Variants in PRRC2A observed in about 807,000 individuals in gnomAD.
PRRC2A encodes the protein protein PRRC2A.
A neutral mutation model predicts 224.6 loss-of-function variants in PRRC2A; 59 were observed. That is an observed-to-expected ratio of 0.26 (90% CI 0.21 to 0.33). PRRC2A has a LOEUF of 0.33. Ranked by LOEUF, PRRC2A falls within the 10% of genes least tolerant of loss-of-function variation. The pLI is 1.00. For synonymous variants in PRRC2A, 1,194 were observed against 1,109.5 expected, an observed-to-expected ratio of 1.08 and a Z score of -1.51; for missense variants, 3,095 against 2,880.7, an observed-to-expected ratio of 1.07 and a Z score of -1.70.
chr6:31,621,994 CAG>C (rs992821246), intron 1 of PRRC2A, among the ~76,000 whole-genome samples: 10 of 152,264 alleles, frequency 6.6e-5, no homozygotes, highest in African/African-American at 2.4e-4. Context: ...TATGGTAAAA[CAG>C]TATTTCATCT....
At position 31,635,235 on chromosome 6, in the gene PRRC2A, G is replaced by C. The variant is rs572741477; in HGVS notation, c.5264G>C (p.Arg1755Pro). Reference sequence around the variant, plus strand: ...CCTGGCCCCATTCGGCCATCCCATCGACCTGGTCCCCCAGTCCAGTTTGGC... The same window carrying C: ...CCTGGCCCCATTCGGCCATCCCATCCACCTGGTCCCCCAGTCCAGTTTGGC... ...TEPGPIRPSHRPGPPVQFGTS... is the reference protein window; with the variant it reads ...TEPGPIRPSHPPGPPVQFGTS... The change falls in exon 22 of 31, where the codon CGA becomes CCA. Residue 1755 changes from arginine (R) to proline (P), a missense_variant. Physicochemically the swap from Arg to Pro is moderately radical, Grantham distance 103. Coordinates refer to ENST00000376033, the MANE Select transcript of PRRC2A (RefSeq NM_004638.4). 6.2e-6 allele frequency: 10 copies of C among 1,614,068 alleles called. No homozygotes were observed. The highest frequency in any genetic ancestry group is 8.5e-6 in the Non-Finnish European group (10 of 1,180,032).
Position 31,627,972 on chromosome 6 carries a change from C to G in PRRC2A, c.1498C>G (p.Pro500Ala). ...GCGACTCGATGAAAAGTTTGGGGCA[C>G]CTGACAAGCGGCTCAAAGCAGAGCC... ...LKRLDEKFGAPDKRLKAEPAA... is the reference protein window; with the variant it reads ...LKRLDEKFGAADKRLKAEPAA... Residue 500 changes from proline to alanine, a missense_variant, in exon 12 of 31, where the codon CCT becomes GCT. Pro to Ala is a conservative substitution (Grantham distance 27, BLOSUM62 -1). Around this residue, in one of 8 missense-constraint regions of PRRC2A, gnomAD observed 2,001 missense variants for 1,764.9 expected, o/e 1.13. Transcript: ENST00000376033. The surrounding 1 kb of genome is among the most constrained non-coding windows in gnomAD (Gnocchi z 5.6). 1 of 1,613,012 alleles carries G rather than the reference C, an allele frequency of 6.2e-7. No homozygotes were observed. The highest frequency in any genetic ancestry group is 8.5e-7 in the Non-Finnish European group (1 of 1,180,024).
rs547196862 is a variant in PRRC2A at position 31,632,204 on chromosome 6, CCCT to C, written c.3536_3538del (p.Pro1179del). The C allele has an allele frequency of 1.7e-3, 2,720 of 1,607,124 alleles. 9 individuals carry two copies. In the Middle Eastern group the frequency reaches 0.019, roughly 11 times the overall value. ...GCCGGGGCCGAGGAGGAGGGAGGCC[CCCT>C]CCTCAAGTTTGCCCAGGCTGGAGCC... On this transcript the variant is annotated inframe_deletion, in exon 16 of 31. Transcript: ENST00000376033.
chr6:31,631,680 C>T lies in PRRC2A; in HGVS notation c.3007C>T (p.Leu1003Phe). 4 of 1,513,938 alleles carry T rather than the reference C, an allele frequency of 2.6e-6. No individual in the cohort carries two copies. The highest frequency in any genetic ancestry group is 3.5e-6 in the Non-Finnish European group (4 of 1,132,888). The allele number at this position is 1,513,938 out of a possible 1,614,324, so 93.8% of individuals were successfully genotyped here. A position where few individuals can be genotyped will look rare whatever the true frequency, so the allele number is the denominator to read the frequency against. Residue 1003 changes from leucine (L) to phenylalanine (F), a missense_variant, in exon 16 of 31, where the codon CTT becomes TTT. Coordinates refer to ENST00000376033, the MANE Select transcript of PRRC2A (RefSeq NM_004638.4). The surrounding 1 kb of genome is among the most constrained non-coding windows in gnomAD (Gnocchi z 4.5). The part of the protein sequence containing the change: ...GPKETPPNGN[L>F]SPAPRLRRDY... ...CAAGGAGACCCCACCCAATGGAAAT[C>T]TTTCCCCTGCCCCAAGGCTTCGGAG... is the stretch of plus-strand genomic sequence containing the variant.
intron 5 of PRRC2A, 116 bp downstream of exon 5, chr6:31,624,638 A>G: frequency 4.2e-6 from 5 of 1,177,292 alleles, no homozygotes; most frequent in Non-Finnish European, 6.2e-6. Flanking sequence ...AGGACCACCC[A>G]TATTCAGTTT....
intron 17 of PRRC2A, 33 bp downstream of exon 17, chr6:31,633,680 C>CCATCCCCA (rs1776956999): frequency 6.3e-7 from 1 of 1,580,174 alleles, no homozygotes; most frequent in South Asian, 1.2e-5. Flanking sequence ...GGGAATATCT[C>CCATCCCCA]CATCCCCAGA....
chr6:31,629,023 T>C (rs1352778001), intron 12 of PRRC2A, 121 bp from the exon 13 acceptor site: 3 of 1,016,030 alleles, frequency 3.0e-6, no homozygotes, highest in Non-Finnish European at 4.5e-6. Context: ...TTCAATAGAA[T>C]AGATGTTGAA....
Position 31,627,816 on chromosome 6 carries a change from G to T in PRRC2A, c.1342G>T (p.Ala448Ser). ...KPPAPEDEDE[A>S]WRQRRKQSSS... ...CCCAGCACCTGAAGATGAGGATGAGGCATGGCGGCAGCGACGAAAGCAGTC... is the reference window on the plus strand; with the variant it reads ...CCCAGCACCTGAAGATGAGGATGAGTCATGGCGGCAGCGACGAAAGCAGTC... Residue 448 changes from alanine (A) to serine (S), a missense_variant, in exon 12 of 31, where the codon GCA becomes TCA. Physicochemically the swap from Ala to Ser is moderately conservative, Grantham distance 99. Coordinates refer to ENST00000376033, the MANE Select transcript of PRRC2A (RefSeq NM_004638.4). This position sits in a 1 kb window ranked among gnomAD's most constrained non-coding sequence, Gnocchi z 5.6. 1.2e-6 allele frequency: 2 copies of T among 1,613,018 alleles called. No individual in the cohort carries two copies. Among genetic ancestry groups the T allele is most frequent in the South Asian group, 1.1e-5 (1 of 91,084 alleles).
At position 31,632,824 on chromosome 6, in the gene PRRC2A, G is replaced by A. The variant is rs756825509; in HGVS notation, c.4151G>A (p.Ser1384Asn). Residue 1384 changes from serine (S) to asparagine (N), a missense_variant, in exon 16 of 31, where the codon AGC becomes AAC. Transcript: ENST00000376033. Reference protein sequence around the residue: ...SQRAKDLSKRSFSSQRPGMER... With the variant: ...SQRAKDLSKRNFSSQRPGMER... ...AGAGCCAAGGATTTGAGTAAACGGA[G>A]CTTCTCAAGTCAGCGGCCAGGCATG... is the stretch of plus-strand genomic sequence containing the variant. 1 of 1,613,180 alleles carries A rather than the reference G, an allele frequency of 6.2e-7. No homozygotes were observed. Among genetic ancestry groups the A allele is most frequent in the East Asian group, 2.2e-5 (1 of 44,888 alleles).
chr6:31,630,254 T>C (rs1173062108), intron 14 of PRRC2A, among the ~76,000 whole-genome samples: 1 of 151,874 alleles, frequency 6.6e-6, no homozygotes, highest in Non-Finnish European at 1.5e-5. Flanking sequence ...GAGGTGGAGG[T>C]TGTAGTGAGC....
At chr6:31,626,912 T>G in intron 10 of PRRC2A, 50 bp downstream of exon 10, 1 of 1,612,868 alleles carries the variant, frequency 6.2e-7, no homozygotes, top group Non-Finnish European at 8.5e-7. Context: ...GGTTTGTATT[T>G]TGGTAATATA....
rs767785105 is a variant in PRRC2A at position 31,627,923 on chromosome 6, G to A, written c.1449G>A (p.Arg483=). The change falls in exon 12 of 31, where the codon CGG becomes CGA. Residue 483 remains arginine, a synonymous_variant. Transcript: ENST00000376033. The surrounding 1 kb of genome is among the most constrained non-coding windows in gnomAD (Gnocchi z 5.6). The part of the protein sequence containing the change: ...EEERRMQEER[R]AACAEKLKRL... Reference sequence around the variant, plus strand: ...AGCGGCGCATGCAAGAAGAGCGCCGGGCAGCCTGTGCTGAGAAGCTCAAGC... The same window carrying A: ...AGCGGCGCATGCAAGAAGAGCGCCGAGCAGCCTGTGCTGAGAAGCTCAAGC... 2 of 1,612,884 alleles carry A rather than the reference G, an allele frequency of 1.2e-6. No individual in the cohort carries two copies. Among genetic ancestry groups the A allele is most frequent in the Non-Finnish European group, 1.7e-6 (2 of 1,180,042 alleles).
In PRRC2A at chr6:31,631,619, C is replaced by T. The variant is rs759570796; in HGVS notation, c.2946C>T (p.Asp982=). The T allele has an allele frequency of 2.6e-6, 4 of 1,529,902 alleles. No individual in the cohort carries two copies. In the African/African-American group the frequency reaches 5.6e-5, roughly 21 times the overall value. The allele number at this position is 1,529,902 out of a possible 1,614,324, so 94.8% of individuals were successfully genotyped here. Residue 982 remains aspartate (D), a synonymous_variant, in exon 16 of 31, where the codon GAC becomes GAT. Coordinates refer to ENST00000376033, the MANE Select transcript of PRRC2A (RefSeq NM_004638.4). The surrounding 1 kb of genome is among the most constrained non-coding windows in gnomAD (Gnocchi z 4.5). ...GDETPKPPKP[D]PLKITKGKLG... The stretch of plus-strand genomic sequence containing the variant: ...AAACCCCCAAACCCCCAAAGCCAGA[C>T]CCACTCAAGATAACCAAGGGGAAGC...
intron 9 of PRRC2A, among the ~76,000 whole-genome samples, chr6:31,626,527 A>G (rs1295985005): frequency 6.6e-6 from 1 of 151,986 alleles, no homozygotes; most frequent in Non-Finnish European, 1.5e-5. Flanking sequence ...ACTGAACTCC[A>G]TCCTGGGCAA....
intron 17 of PRRC2A, 49 bp from the exon 18 acceptor site, chr6:31,633,810 G>A (rs754709636): frequency 2.6e-6 from 4 of 1,548,824 alleles, no homozygotes; most frequent in African/African-American, 1.4e-5. Flanking sequence ...GGAAAAGTTA[G>A]GGTCAGTGGC....
chr6:31,633,008 C>T lies in PRRC2A; in HGVS notation c.4319+16C>T, dbSNP rs368444066. On this transcript the variant is annotated intron_variant, in intron 16 of 30. Coordinates refer to ENST00000376033, the MANE Select transcript of PRRC2A (RefSeq NM_004638.4). ...AGAACCGAAGGTGGGTAGGAACAAA[C>T]AAATTTATTGTGGTTTAAAAATTGG... 7 of 1,513,860 alleles carry T rather than the reference C, an allele frequency of 4.6e-6. No homozygotes were observed. Among genetic ancestry groups the T allele is most frequent in the Non-Finnish European group, 2.6e-6 (3 of 1,133,216 alleles). 93.8% of individuals were successfully genotyped at this position (1,513,860 alleles called of 1,614,324 possible). A position where few individuals can be genotyped will look rare whatever the true frequency, so the allele number is the denominator to read the frequency against.
Position 31,637,542 on chromosome 6 carries a change from G to A in PRRC2A, c.6430G>A (p.Gly2144Arg), listed in dbSNP as rs1306287436. 6.3e-7 allele frequency: 1 copy of A among 1,591,882 alleles called. No individual in the cohort carries two copies. Among genetic ancestry groups the A allele is most frequent in the East Asian group, 2.2e-5 (1 of 44,544 alleles). The change falls in exon 31 of 31, where the codon GGG becomes AGG. Residue 2144 changes from glycine (G) to arginine (R), a missense_variant. By Grantham distance (125) the Gly-to-Arg change is moderately radical. Around this residue, in one of 8 missense-constraint regions of PRRC2A, gnomAD observed 662 missense variants for 609.5 expected, o/e 1.09. Transcript: ENST00000376033. ...EGPSRRAEEPGSRGDKEPGLP... is the reference protein window; with the variant it reads ...EGPSRRAEEPRSRGDKEPGLP... ...GCCCTCCCGACGGGCAGAGGAGCCT[G>A]GGTCCCGAGGGGACAAGGAGCCTGG...
chr6:31,629,316 T>C lies in PRRC2A; in HGVS notation c.1938T>C (p.Arg646=). The C allele has an allele frequency of 6.4e-7, 1 of 1,568,440 alleles. No homozygotes were observed. Residue 646 remains arginine, a synonymous_variant, in exon 13 of 31, where the codon CGT becomes CGC. Transcript: ENST00000376033. ...AATATCAGAAGTCGTTGCCTCCTCG[T>C]TTCCAGCGGCAGCAGCAGGTGAAAT... is the stretch of plus-strand genomic sequence containing the variant. ...YPKYQKSLPP[R]FQRQQQEQLL...
At chr6:31,626,489 G>C (rs1775925388) in intron 9 of PRRC2A, among the ~76,000 whole-genome samples, 1 of 151,962 alleles carries the variant, frequency 6.6e-6, no homozygotes, top group Non-Finnish European at 1.5e-5. Context: ...CCCAGGAGTT[G>C]GAGGTCACAG....
Sources: allele counts gnomAD v4.1 joint callset (sites outside exome capture counted in the v4.1 genomes callset), GRCh38; gene constraint gnomAD v4.1.1; regional missense constraint gnomAD v4.1.1; non-coding constraint Gnocchi (gnomAD v3.1); transcripts MANE v1.5; gene names NCBI Gene and HGNC (gene_info 2026-07-23, HGNC 2026-07-21).